The following CCDC88C variants were observed in gnomAD, a reference collection of about 807,000 sequenced individuals.
CCDC88C encodes the protein protein Daple.
A neutral mutation model predicts 198.8 loss-of-function variants in CCDC88C; 131 were observed. That is an observed-to-expected ratio of 0.66 (90% CI 0.57 to 0.76). The LOEUF (loss-of-function observed/expected upper bound fraction) is 0.76. CCDC88C is among the 30% of genes least tolerant of loss of function. The pLI, the probability that CCDC88C is intolerant of heterozygous loss-of-function variation, is 0.00. For missense variants in CCDC88C, 2,553 were observed against 2,631.6 expected (o/e 0.97, Z 0.65); for synonymous variants, 1,166 against 1,114.7 (o/e 1.05, Z -0.92).
chr14:91,378,936 G>A (rs1884618287), intron 3 of CCDC88C: 1 of 152,196 alleles, frequency 6.6e-6, no homozygotes, highest in Non-Finnish European at 1.5e-5. Context: ...ATTGTGTGCA[G>A]AAGGGCTGTA....
intron 4 of CCDC88C, among the ~76,000 whole-genome samples, chr14:91,355,314 A>C (rs1461591794): frequency 6.6e-6 from 1 of 152,180 alleles, no homozygotes; most frequent in African/African-American, 2.4e-5. Context: ...AACAAGGCGA[A>C]GGACGCTCTA....
At chr14:91,334,028 A>G (rs1892947536) in intron 10 of CCDC88C, among the ~76,000 whole-genome samples, 1 of 152,232 alleles carries the variant, frequency 6.6e-6, no homozygotes, top group Non-Finnish European at 1.5e-5. Flanking sequence ...AAAAATATAA[A>G]ATTTCCTGAA....
chr14:91,390,856 C>T (rs1201752298), intron 3 of CCDC88C, among the ~76,000 whole-genome samples: 2 of 152,292 alleles, frequency 1.3e-5, no homozygotes, highest in South Asian at 2.1e-4. Flanking sequence ...GGACAGGGGT[C>T]TCCAGAAAGG....
intron 3 of CCDC88C, among the ~76,000 whole-genome samples, chr14:91,376,584 C>T (rs34134566): frequency 0.21 from 31,506 of 152,222 alleles, 3,666 homozygotes; most frequent in African/African-American, 0.3. Context: ...CCTGCATGAA[C>T]GCAGAGGTGA....
At chr14:91,380,585 T>C (rs1333563961) in intron 3 of CCDC88C, among the ~76,000 whole-genome samples, 1 of 152,190 alleles carries the variant, frequency 6.6e-6, no homozygotes, top group Non-Finnish European at 1.5e-5. Flanking sequence ...GAAAGAATTT[T>C]AAAGCAAACT....
At chr14:91,410,021 G>A (rs556361883) in intron 2 of CCDC88C, among the ~76,000 whole-genome samples, 26 of 152,290 alleles carry the variant, frequency 1.7e-4, no homozygotes, top group Admixed American at 1.4e-3. Context: ...GGGAATCCCC[G>A]AAGTGTCATT....
At chr14:91,390,659 C>T (rs1051537251) in intron 3 of CCDC88C, among the ~76,000 whole-genome samples, 2 of 152,232 alleles carry the variant, frequency 1.3e-5, no homozygotes, top group Non-Finnish European at 2.9e-5. Flanking sequence ...ATACCAAAGT[C>T]GCCTTCCAGG....
intron 4 of CCDC88C, among the ~76,000 whole-genome samples, chr14:91,353,343 C>T (rs1407915216): frequency 6.6e-6 from 1 of 152,190 alleles, no homozygotes. Context: ...AACTCATCAG[C>T]CCCCTTGCAC....
At chr14:91,411,686 A>C (rs1886794060) in intron 2 of CCDC88C, among the ~76,000 whole-genome samples, 1 of 152,134 alleles carries the variant, frequency 6.6e-6, no homozygotes, top group Non-Finnish European at 1.5e-5. Flanking sequence ...AAACTGGCCA[A>C]GCACGATGGC....
chr14:91,356,141 T>G (rs2139896712), intron 4 of CCDC88C, among the ~76,000 whole-genome samples: 1 of 152,318 alleles, frequency 6.6e-6, no homozygotes, highest in East Asian at 1.9e-4. Flanking sequence ...ACACATCTAT[T>G]TTTACAATTT....
intron 10 of CCDC88C, among the ~76,000 whole-genome samples, chr14:91,335,055 C>G (rs1259128941): frequency 1.3e-5 from 2 of 152,198 alleles, no homozygotes; most frequent in African/African-American, 4.8e-5. Flanking sequence ...TGTCCAAAGC[C>G]AGCTCCAGAT....
chr14:91,366,218 G>T (rs963120195), intron 3 of CCDC88C, among the ~76,000 whole-genome samples: 2 of 150,108 alleles, frequency 1.3e-5, no homozygotes, highest in Non-Finnish European at 3.0e-5. Flanking sequence ...GGGCATGGTG[G>T]TTCACGCCTG....
intron 5 of CCDC88C, among the ~76,000 whole-genome samples, chr14:91,342,862 G>C (rs2139868167): frequency 6.6e-6 from 1 of 152,358 alleles, no homozygotes; most frequent in Middle Eastern, 3.4e-3. Context: ...TTTAGACTCT[G>C]TGGGCCATTT....
chr14:91,335,812 G>T (rs776582190), intron 10 of CCDC88C, among the ~76,000 whole-genome samples: 8 of 152,212 alleles, frequency 5.3e-5, no homozygotes, highest in Non-Finnish European at 1.2e-4. Context: ...GACTGAAGAC[G>T]GTTTGCTAGG....
At position 91,271,592 on chromosome 14, in the gene CCDC88C, G is replaced by T. The variant is rs1053888164; in HGVS notation, c.*1033C>A. The stretch of plus-strand genomic sequence containing the variant: ...ACACAAAGCAGCAGATAAGATTCCC[G>T]ACAGAAGAGAGTGACTCCCACTGGA... On this transcript the variant is annotated 3_prime_UTR_variant, in exon 30 of 30. Coordinates refer to ENST00000389857, the MANE Select transcript of CCDC88C (RefSeq NM_001080414.4). The T allele has an allele frequency of 6.6e-6, 1 of 152,068 alleles. No individual in the cohort carries two copies. The highest frequency in any genetic ancestry group is 2.4e-5 in the African/African-American group (1 of 41,394). The allele number at this position is 152,068 out of a possible 1,614,324, so 9.4% of individuals were successfully genotyped here.
chr14:91,322,010 T>G (rs995031084), intron 12 of CCDC88C, among the ~76,000 whole-genome samples: 1 of 151,914 alleles, frequency 6.6e-6, no homozygotes, highest in African/African-American at 2.4e-5. Flanking sequence ...CCTGGCCCCC[T>G]CCTGCCACAA....
intron 27 of CCDC88C, 150 bp downstream of exon 27, chr14:91,281,307 C>G: frequency 1.2e-5 from 19 of 1,527,954 alleles, no homozygotes; most frequent in Non-Finnish European, 1.7e-5. Context: ...ACGCTCAGCC[C>G]CCTGGGGAGG....
chr14:91,367,699 G>C (rs1894606280), intron 3 of CCDC88C, among the ~76,000 whole-genome samples: 2 of 152,128 alleles, frequency 1.3e-5, no homozygotes, highest in Non-Finnish European at 2.9e-5. Context: ...CTGGGCTGTA[G>C]AGAATGCTTA....
chr14:91,328,759 T>C (rs554489337), intron 10 of CCDC88C, among the ~76,000 whole-genome samples: 12 of 152,130 alleles, frequency 7.9e-5, no homozygotes, highest in Non-Finnish European at 1.5e-4. Context: ...AAATACTCCA[T>C]GCGCAGCGCC....
Sources: allele counts gnomAD v4.1 joint callset (sites outside exome capture counted in the v4.1 genomes callset), GRCh38; gene constraint gnomAD v4.1.1; transcripts MANE v1.5; gene names NCBI Gene and HGNC (gene_info 2026-07-23, HGNC 2026-07-21).